Variants in EPHA6 observed in about 807,000 individuals in gnomAD.
EPHA6 encodes ephrin type-A receptor 6.
Under a neutral mutation model 112.0 loss-of-function variants are expected in EPHA6, and 50 were observed. The ratio of observed to expected loss-of-function variants is 0.45; its 90% CI spans 0.36 to 0.56. The LOEUF is 0.56. Among genes scored for constraint, EPHA6 ranks in the 20% least tolerant of loss-of-function variants. The pLI, the probability that EPHA6 is intolerant of heterozygous loss-of-function variation, is 0.00. For missense variants in EPHA6, 1,280 were observed against 1,417.4 expected, an observed-to-expected ratio of 0.90 and a Z score of 1.56; for synonymous variants, 529 against 490.7, an observed-to-expected ratio of 1.08 and a Z score of -1.03.
chr3:97,443,582 G>A (rs190167845), intron 6 of EPHA6, among the ~76,000 whole-genome samples: 1 of 152,102 alleles, frequency 6.6e-6, no homozygotes, highest in East Asian at 1.9e-4. Context: ...AAGACTGGGT[G>A]ATTTATTTGC....
At chr3:97,666,841 A>C (rs570932556) in intron 14 of EPHA6, among the ~76,000 whole-genome samples, 1 of 152,318 alleles carries the variant, frequency 6.6e-6, no homozygotes, top group Non-Finnish European at 1.5e-5. Context: ...ATCTAAACAC[A>C]GCCCTCTGGA....
intron 6 of EPHA6, among the ~76,000 whole-genome samples, chr3:97,409,371 A>T (rs1231298294): frequency 6.6e-6 from 1 of 152,092 alleles, no homozygotes; most frequent in Non-Finnish European, 1.5e-5. Context: ...AGGACTAGCT[A>T]ATTTACTCCT....
intron 2 of EPHA6, among the ~76,000 whole-genome samples, chr3:96,893,281 C>T (rs116830531): frequency 0.013 from 2,034 of 152,250 alleles, 46 homozygotes; most frequent in African/African-American, 0.044. Flanking sequence ...CCCTCTTCAT[C>T]ATTATTTCTA....
intron 11 of EPHA6, among the ~76,000 whole-genome samples, chr3:97,540,057 T>C (rs2092827047): frequency 1.3e-5 from 2 of 152,146 alleles, no homozygotes. Flanking sequence ...AAGGGAAAAC[T>C]GGGAGGCAGC....
intron 5 of EPHA6, among the ~76,000 whole-genome samples, chr3:97,357,680 G>C (rs2108919414): frequency 6.6e-6 from 1 of 152,252 alleles, no homozygotes; most frequent in East Asian, 1.9e-4. Context: ...GTATAATTTT[G>C]ACTCTACAAA....
rs1341212295 is a variant in EPHA6 at position 97,760,795 on chromosome 3, C to A, written c.*12094C>A. On this transcript the variant is annotated 3_prime_UTR_variant, in exon 18 of 18. Transcript: ENST00000389672. ...GCTATATTTGACTAATAAAAAACGACAGCTAAAAATAATTTCCCTCCCTAT... is the reference window on the plus strand; with the variant it reads ...GCTATATTTGACTAATAAAAAACGAAAGCTAAAAATAATTTCCCTCCCTAT... 2 of 184,994 alleles carry A rather than the reference C, an allele frequency of 1.1e-5. No homozygotes were observed. Among genetic ancestry groups the A allele is most frequent in the Non-Finnish European group, 2.3e-5 (2 of 87,402 alleles). The allele number at this position is 184,994 out of a possible 1,614,324, so 11.5% of individuals were successfully genotyped here. A position where few individuals can be genotyped will look rare whatever the true frequency, so the allele number is the denominator to read the frequency against.
chr3:97,323,868 G>T (rs546684838), intron 5 of EPHA6, among the ~76,000 whole-genome samples: 1 of 151,838 alleles, frequency 6.6e-6, no homozygotes, highest in Non-Finnish European at 1.5e-5. Flanking sequence ...GAGAAACAAC[G>T]TAGCAACTGA....
intron 5 of EPHA6, among the ~76,000 whole-genome samples, chr3:97,381,449 A>C (rs541824530): frequency 3.2e-4 from 49 of 152,226 alleles, no homozygotes; most frequent in African/African-American, 9.4e-4. Flanking sequence ...AATTGCCAAG[A>C]GTGAATCTGC....
At chr3:97,665,757 C>T (rs534020680) in intron 14 of EPHA6, among the ~76,000 whole-genome samples, 1 of 152,174 alleles carries the variant, frequency 6.6e-6, no homozygotes, top group Non-Finnish European at 1.5e-5. Flanking sequence ...CATGGTCCAC[C>T]ATTTAAAGAA....
At chr3:97,289,833 G>C (rs2080614698) in intron 5 of EPHA6, among the ~76,000 whole-genome samples, 1 of 151,974 alleles carries the variant, frequency 6.6e-6, no homozygotes, top group African/African-American at 2.4e-5. Flanking sequence ...TGCAGCTACT[G>C]TAAATCAGAT....
chr3:96,822,205 A>T (rs2033315038), intron 1 of EPHA6, among the ~76,000 whole-genome samples: 1 of 151,980 alleles, frequency 6.6e-6, no homozygotes, highest in African/African-American at 2.4e-5. Flanking sequence ...GACATCGTGG[A>T]TGGATGTGTG....
At chr3:97,508,127 AT>A (rs796190552) in intron 10 of EPHA6, among the ~76,000 whole-genome samples, 136 of 151,130 alleles carry the variant, frequency 9.0e-4, no homozygotes, top group African/African-American at 2.6e-3. Flanking sequence ...GGATTCATTG[AT>A]TTTTTTTTGA....
At chr3:97,056,844 A>G (rs929520580) in intron 3 of EPHA6, among the ~76,000 whole-genome samples, 1 of 152,154 alleles carries the variant, frequency 6.6e-6, no homozygotes, top group African/African-American at 2.4e-5. Context: ...GTTGTGAGGT[A>G]TTATTGAGAT....
chr3:97,211,939 C>A (rs1318647067), intron 3 of EPHA6, among the ~76,000 whole-genome samples: 1 of 152,086 alleles, frequency 6.6e-6, no homozygotes, highest in Non-Finnish European at 1.5e-5. Context: ...AAGTGCCTGG[C>A]TCATTCTGAA....
rs2032604825 is a variant in EPHA6 at position 96,814,676 on chromosome 3, C to G, written c.53C>G (p.Ala18Gly). 6.7e-7 allele frequency: 1 copy of G among 1,483,306 alleles called. No individual in the cohort carries two copies. Among genetic ancestry groups the G allele is most frequent in the African/African-American group, 1.4e-5 (1 of 70,876 alleles). 91.9% of individuals were successfully genotyped at this position (1,483,306 alleles called of 1,614,324 possible). Residue 18 changes from alanine (A) to glycine (G), a missense_variant, in exon 1 of 18, where the codon GCG becomes GGG. This residue lies in a region of EPHA6 where 220 missense variants were observed against 171.5 expected (regional missense o/e 1.28). Coordinates refer to ENST00000389672, the MANE Select transcript of EPHA6 (RefSeq NM_001080448.3). ...AGGAGCTCCCCGGCGCCGCAGGCAG[C>G]GTCCTCCTCCGAAGCAGCTGCACCT... ...AARSSPAPQA[A>G]SSSEAAAPAT... is the part of the protein sequence containing the mutation.
At chr3:97,291,610 G>A (rs1014577883) in intron 5 of EPHA6, among the ~76,000 whole-genome samples, 5 of 151,918 alleles carry the variant, frequency 3.3e-5, no homozygotes, top group African/African-American at 9.7e-5. Context: ...TCTGAAATAC[G>A]TTCTTCTGCT....
chr3:96,995,698 TA>T (rs1194198465), intron 3 of EPHA6, among the ~76,000 whole-genome samples: 12 of 152,176 alleles, frequency 7.9e-5, no homozygotes, highest in Admixed American at 5.9e-4. Context: ...TATTGTCTAT[TA>T]GGTTTACAAT....
intron 3 of EPHA6, among the ~76,000 whole-genome samples, chr3:97,007,894 T>A (rs2043945407): frequency 6.6e-6 from 1 of 152,256 alleles, no homozygotes; most frequent in South Asian, 2.1e-4. Context: ...AATTCCTCGT[T>A]GAAAATTCTT....
At chr3:97,059,370 T>C (rs2045948574) in intron 3 of EPHA6, among the ~76,000 whole-genome samples, 2 of 152,192 alleles carry the variant, frequency 1.3e-5, no homozygotes, top group Non-Finnish European at 2.9e-5. Context: ...CCTTAGGGCA[T>C]TCCTGTCTCT....
Sources: allele counts gnomAD v4.1 joint callset (sites outside exome capture counted in the v4.1 genomes callset), GRCh38; gene constraint gnomAD v4.1.1; regional missense constraint gnomAD v4.1.1; transcripts MANE v1.5; gene names NCBI Gene and HGNC (gene_info 2026-07-23, HGNC 2026-07-21).